The following POP1 variants were observed in gnomAD, a reference collection of about 807,000 sequenced individuals.
The protein encoded by POP1 is ribonucleases P/MRP protein subunit POP1.
Under a neutral mutation model 102.2 loss-of-function variants are expected in POP1, and 75 were observed. The observed-to-expected ratio is 0.73, with a 90% CI of 0.61 to 0.89. The LOEUF (loss-of-function observed/expected upper bound fraction) is 0.89. POP1 is among the 40% of genes least tolerant of loss of function. The probability of loss-of-function intolerance (pLI) is 0.00; values close to 1 mark genes in which losing one functional copy is unlikely to be tolerated. For missense variants in POP1, 1,116 were observed against 1,267.4 expected, an observed-to-expected ratio of 0.88 and a Z score of 1.81; for synonymous variants, 436 against 464.1, an observed-to-expected ratio of 0.94 and a Z score of 0.78.
chr8:98,124,113 G>C (rs1816121106), intron 2 of POP1, among the ~76,000 whole-genome samples: 1 of 152,184 alleles, frequency 6.6e-6, no homozygotes, highest in African/African-American at 2.4e-5. Context: ...TATAAGGGCA[G>C]GGCAGTACAG....
chr8:98,148,126 G>A (rs1019216850), intron 12 of POP1, among the ~76,000 whole-genome samples: 3 of 152,216 alleles, frequency 2.0e-5, no homozygotes, highest in African/African-American at 7.2e-5. Flanking sequence ...AAGAGATATA[G>A]TTTGGAATTA....
At chr8:98,139,382 G>T (rs1816641860) in intron 9 of POP1, among the ~76,000 whole-genome samples, 1 of 152,064 alleles carries the variant, frequency 6.6e-6, no homozygotes. Context: ...ATTTTCCTTT[G>T]GTGAGGAACA....
At chr8:98,128,926 G>GA (rs954948710) in intron 4 of POP1, among the ~76,000 whole-genome samples, 45 of 147,488 alleles carry the variant, frequency 3.1e-4, no homozygotes, top group East Asian at 9.8e-4. Context: ...TGTCTAAAAA[G>GA]AAAAAAAAAA....
At chr8:98,128,611 T>C in intron 4 of POP1, 71 bp downstream of exon 4, 1 of 1,531,044 alleles carries the variant, frequency 6.5e-7, no homozygotes, top group Non-Finnish European at 9.0e-7. Flanking sequence ...ATTGACCTAA[T>C]AGAATTTATT....
At chr8:98,124,320 C>A (rs913310317) in intron 2 of POP1, among the ~76,000 whole-genome samples, 5 of 152,052 alleles carry the variant, frequency 3.3e-5, no homozygotes, top group African/African-American at 4.8e-5. Flanking sequence ...CCAGCACTTT[C>A]AGAGGCTGAG....
At chr8:98,141,901 A>T (rs1816715452) in intron 11 of POP1, among the ~76,000 whole-genome samples, 2 of 151,610 alleles carry the variant, frequency 1.3e-5, no homozygotes, top group Non-Finnish European at 2.9e-5. Context: ...TAGATAGCTT[A>T]TTGATGGGGC....
At position 98,148,824 on chromosome 8, in the gene POP1, C is replaced by T. The variant is rs149886997; in HGVS notation, c.1720C>T (p.Arg574Trp). 51 of 1,612,254 alleles carry T rather than the reference C, an allele frequency of 3.2e-5. No individual in the cohort carries two copies. Among genetic ancestry groups the T allele is most frequent in the Non-Finnish European group, 3.9e-5 (46 of 1,178,988 alleles). Reference protein sequence around the residue: ...ENKISDQDLNRMRSELLVPGS... With the variant: ...ENKISDQDLNWMRSELLVPGS... ...TTTTCTTCCACTTTAGGATTTAAAC[C>T]GGATGAGGAGTGAATTGCTGGTGCC... The change falls in exon 13 of 16, where the codon CGG becomes TGG. Residue 574 changes from arginine to tryptophan, a missense_variant. Coordinates refer to ENST00000401707, the MANE Select transcript of POP1 (RefSeq NM_001145860.2).
chr8:98,123,332 C>A lies in POP1; in HGVS notation c.-2-4C>A. 2 of 1,613,026 alleles carry A rather than the reference C, an allele frequency of 1.2e-6. No individual in the cohort carries two copies. The highest frequency in any genetic ancestry group is 1.7e-6 in the Non-Finnish European group (2 of 1,179,350). On this transcript the variant is annotated splice_region_variant and splice_polypyrimidine_tract_variant and intron_variant, in intron 1 of 15. Coordinates refer to ENST00000401707, the MANE Select transcript of POP1 (RefSeq NM_001145860.2). Reference sequence around the variant, plus strand: ...CTGTATTAAATGTATTACTTCCTTTCCAGAAATGTCAAATGCAAAAGAAAG... The same window carrying A: ...CTGTATTAAATGTATTACTTCCTTTACAGAAATGTCAAATGCAAAAGAAAG...
chr8:98,140,699 T>G lies in POP1; in HGVS notation c.1475-70T>G, dbSNP rs1438356127. On this transcript the variant is annotated intron_variant, in intron 10 of 15. Coordinates refer to ENST00000401707, the MANE Select transcript of POP1 (RefSeq NM_001145860.2). The stretch of plus-strand genomic sequence containing the variant: ...CGTTTCATTAGGAAATCTGAAAGAT[T>G]TAAAAATACAAGCAAATACAGATGT... 2.6e-6 allele frequency: 4 copies of G among 1,531,880 alleles called. No homozygotes were observed. In the African/African-American group the frequency reaches 5.5e-5, roughly 21 times the overall value. 94.9% of individuals were successfully genotyped at this position (1,531,880 alleles called of 1,614,324 possible). A position where few individuals can be genotyped will look rare whatever the true frequency, so the allele number is the denominator to read the frequency against.
chr8:98,157,795 G>A lies in POP1; in HGVS notation c.2599G>A (p.Gly867Ser). ...VWVSLSLLSK[G>S]SPEPHTMICV... ...GGTCAGCCTGTCCCTGCTCAGCAAG[G>A]GCAGCCCCGAGCCTCACACCATGAT... Residue 867 changes from glycine to serine, a missense_variant, in exon 16 of 16, where the codon GGC (glycine) becomes AGC (serine). Transcript: ENST00000401707. The A allele has an allele frequency of 1.2e-5, 20 of 1,614,168 alleles. No individual in the cohort carries two copies. The highest frequency in any genetic ancestry group is 1.7e-5 in the Non-Finnish European group (20 of 1,180,040).
At chr8:98,148,594 A>G (rs1463708402) in intron 12 of POP1, among the ~76,000 whole-genome samples, 1 of 152,254 alleles carries the variant, frequency 6.6e-6, no homozygotes. Context: ...AATGAATGAT[A>G]TAAGATAATT....
rs572851404 is a variant in POP1 at position 98,157,922 on chromosome 8, T to C, written c.2726T>C (p.Leu909Pro). 7.8e-5 allele frequency: 126 copies of C among 1,614,068 alleles called. 3 individuals are homozygous for C. In the South Asian group the frequency reaches 1.3e-3, roughly 17 times the overall value. The change falls in exon 16 of 16, where the codon CTG (leucine) becomes CCG (proline). Residue 909 changes from leucine to proline, a missense_variant. Leu to Pro is a moderately conservative substitution (Grantham distance 98). Coordinates refer to ENST00000401707, the MANE Select transcript of POP1 (RefSeq NM_001145860.2). ...KHSDPFRSKI[L>P]KQKEKKKREK... is the part of the protein sequence containing the mutation. ...AGTGACCCATTCAGGAGCAAGATCC[T>C]GAAACAGAAAGAGAAGAAGAAAAGG...
At chr8:98,147,820 T>G (rs1809395048) in intron 12 of POP1, among the ~76,000 whole-genome samples, 1 of 152,162 alleles carries the variant, frequency 6.6e-6, no homozygotes, top group South Asian at 2.1e-4. Context: ...ATATTCTAGC[T>G]TGGATTTAGG....
At chr8:98,121,784 A>T (rs367924155) in intron 1 of POP1, among the ~76,000 whole-genome samples, 1 of 150,798 alleles carries the variant, frequency 6.6e-6, no homozygotes, top group South Asian at 2.1e-4. Context: ...CTGGGTTCAC[A>T]CCATTCTCCT....
At chr8:98,130,315 C>T (rs1277265073) in intron 5 of POP1, 89 bp downstream of exon 5, 23 of 1,537,674 alleles carry the variant, frequency 1.5e-5, no homozygotes, top group South Asian at 3.4e-5. Flanking sequence ...TGCCAAGCCC[C>T]GTTTATGTGA....
At chr8:98,152,165 A>T (rs1355325606) in intron 14 of POP1, among the ~76,000 whole-genome samples, 2 of 152,158 alleles carry the variant, frequency 1.3e-5, no homozygotes, top group Non-Finnish European at 2.9e-5. Flanking sequence ...CTCCCATAGT[A>T]TGTAGTTGAG....
chr8:98,121,080 G>A (rs966192370), intron 1 of POP1, among the ~76,000 whole-genome samples: 3 of 152,204 alleles, frequency 2.0e-5, no homozygotes, highest in African/African-American at 7.2e-5. Context: ...ATCCCACCTG[G>A]CCTGTATATA....
At chr8:98,150,701 T>C in intron 14 of POP1, 62 bp downstream of exon 14, 8 of 1,511,692 alleles carry the variant, frequency 5.3e-6, no homozygotes, top group Non-Finnish European at 7.3e-6. Context: ...CCTGCTTATA[T>C]TGGTATCCCA....
intron 11 of POP1, among the ~76,000 whole-genome samples, chr8:98,145,797 T>G (rs1324224601): frequency 2.0e-5 from 3 of 151,902 alleles, no homozygotes; most frequent in African/African-American, 7.3e-5. Context: ...TCCCAGCTAC[T>G]TGGGAGGCTG....
Sources: allele counts gnomAD v4.1 joint callset (sites outside exome capture counted in the v4.1 genomes callset), GRCh38; gene constraint gnomAD v4.1.1; transcripts MANE v1.5; gene names NCBI Gene and HGNC (gene_info 2026-07-23, HGNC 2026-07-21).